Variants in R3HDM1 observed in about 807,000 individuals in gnomAD.
The protein encoded by R3HDM1 is R3H domain containing 1, also known as R3H domain-containing protein 1.
Under a neutral mutation model 141.1 loss-of-function variants are expected in R3HDM1, and 46 were observed. That is an observed-to-expected ratio of 0.33 (90% CI 0.26 to 0.42). The LOEUF (loss-of-function observed/expected upper bound fraction) is 0.42, where lower values mean the gene tolerates loss of function less well. R3HDM1 is among the 10% of genes least tolerant of loss of function. The pLI is 1.00. For missense variants in R3HDM1, 1,184 were observed against 1,368.3 expected, an observed-to-expected ratio of 0.87 and a Z score of 2.12; for synonymous variants, 435 against 472.9, an observed-to-expected ratio of 0.92 and a Z score of 1.04.
chr2:135,627,474 A>C (rs1051692256), intron 7 of R3HDM1, among the ~76,000 whole-genome samples: 1 of 152,160 alleles, frequency 6.6e-6, no homozygotes, highest in African/African-American at 2.4e-5. Context: ...AGACTACCCT[A>C]TTAAATACAG....
intron 7 of R3HDM1, among the ~76,000 whole-genome samples, chr2:135,625,719 A>G (rs1428212806): frequency 6.6e-6 from 1 of 152,046 alleles, no homozygotes; most frequent in East Asian, 1.9e-4. Flanking sequence ...GAGATTGGTG[A>G]AGGTCAGTCT....
At chr2:135,541,326 G>A (rs763723831) in intron 1 of R3HDM1, among the ~76,000 whole-genome samples, 1 of 152,006 alleles carries the variant, frequency 6.6e-6, no homozygotes, top group South Asian at 2.1e-4. Flanking sequence ...TCCTGCCTCA[G>A]CCTCCTGAGT....
chr2:135,622,685 C>G lies in R3HDM1; in HGVS notation c.450C>G (p.Gly150=), dbSNP rs1411704415. The change falls in exon 7 of 27, where the codon GGC becomes GGG. Residue 150 remains glycine, a synonymous_variant. Transcript: ENST00000683871. ...DSSQEYTDST[G]IDLHEFLVNT... is the part of the protein sequence containing the mutation. ...GTCAAGAATACACTGATTCAACTGG[C>G]ATAGATCTACATGAATTTTTAGTAA... 3 of 1,601,242 alleles carry G rather than the reference C, an allele frequency of 1.9e-6. No individual in the cohort carries two copies. The highest frequency in any genetic ancestry group is 2.6e-6 in the Non-Finnish European group (3 of 1,172,508).
chr2:135,704,690 C>T (rs999481611), intron 21 of R3HDM1, among the ~76,000 whole-genome samples: 1 of 151,800 alleles, frequency 6.6e-6, no homozygotes, highest in Non-Finnish European at 1.5e-5. Context: ...AACTCCTGAC[C>T]TCAAGTGAGC....
rs565078595 is a variant in R3HDM1 at position 135,574,695 on chromosome 2, A to G, written c.-249-27805A>G. 7.9e-5 allele frequency among the ~76,000 whole-genome samples: 12 copies of G among 152,308 alleles called. No individual in the cohort carries two copies. In the East Asian group the frequency reaches 1.5e-3, roughly 20 times the overall value. On this transcript the variant is annotated intron_variant, in intron 1 of 26. Coordinates refer to ENST00000683871, the MANE Select transcript of R3HDM1 (RefSeq NM_001378107.1). ...TAGGATACTCATTAACATACTCCCT[A>G]TTGATAGATTTGTGAGGAAAACTCA...
intron 16 of R3HDM1, among the ~76,000 whole-genome samples, chr2:135,648,135 ATATGTAC>A (rs1191910812): frequency 6.6e-6 from 1 of 152,176 alleles, no homozygotes; most frequent in African/African-American, 2.4e-5. Context: ...ATGTAGTATA[ATATGTAC>A]TATCATCTGT....
intron 21 of R3HDM1, among the ~76,000 whole-genome samples, chr2:135,707,675 A>G (rs950365626): frequency 6.6e-6 from 1 of 152,234 alleles, no homozygotes; most frequent in Admixed American, 6.5e-5. Context: ...AGCTGTTCAC[A>G]TGGGTTAGAA....
At chr2:135,692,492 T>A in intron 21 of R3HDM1, among the ~76,000 whole-genome samples, 1 of 152,054 alleles carries the variant, frequency 6.6e-6, no homozygotes, top group East Asian at 1.9e-4. Context: ...CTCAGGAGGC[T>A]GAAGCAGGAG....
chr2:135,576,016 T>C (rs1227613854), intron 1 of R3HDM1, among the ~76,000 whole-genome samples: 1 of 152,156 alleles, frequency 6.6e-6, no homozygotes, highest in Non-Finnish European at 1.5e-5. Context: ...TATAATTGAA[T>C]CTGTGTGCTA....
intron 24 of R3HDM1, among the ~76,000 whole-genome samples, chr2:135,718,912 C>T (rs988704026): frequency 1.1e-4 from 17 of 152,042 alleles, no homozygotes; most frequent in African/African-American, 3.4e-4. Context: ...CTTTGGGAGG[C>T]TGAGGTGGGT....
At chr2:135,693,469 G>A (rs1168923123) in intron 21 of R3HDM1, among the ~76,000 whole-genome samples, 3 of 152,336 alleles carry the variant, frequency 2.0e-5, no homozygotes, top group South Asian at 4.1e-4. Context: ...ATAGTCAGAT[G>A]TTGTAGGGGG....
At chr2:135,539,420 A>C (rs534883380) in intron 1 of R3HDM1, among the ~76,000 whole-genome samples, 1 of 152,304 alleles carries the variant, frequency 6.6e-6, no homozygotes, top group South Asian at 2.1e-4. Context: ...AGGTGCTAGG[A>C]ATTTTTCACC....
intron 15 of R3HDM1, among the ~76,000 whole-genome samples, chr2:135,642,807 T>C (rs932771907): frequency 6.6e-6 from 1 of 152,160 alleles, no homozygotes; most frequent in Non-Finnish European, 1.5e-5. Flanking sequence ...TATTCACATC[T>C]CTTTTTAAGA....
At chr2:135,683,966 A>G (rs1259362873) in intron 21 of R3HDM1, among the ~76,000 whole-genome samples, 2 of 151,512 alleles carry the variant, frequency 1.3e-5, no homozygotes, top group African/African-American at 2.4e-5. Context: ...ACATACATAC[A>G]TACATACATA....
intron 5 of R3HDM1, chr2:135,620,163 T>G (rs887992986): frequency 2.0e-5 from 7 of 344,076 alleles, no homozygotes; most frequent in African/African-American, 1.6e-4. Context: ...TGGAAGTGCC[T>G]TTTAGTGAAG....
rs191182187 is a variant in R3HDM1 at position 135,567,362 on chromosome 2, C to T, written c.-249-35138C>T. ...ATATATAGACAGTAACTTCATTTTT[C>T]CCAAAGATGAATGAGTACATTGTGT... is the stretch of plus-strand genomic sequence containing the variant. On this transcript the variant is annotated intron_variant, in intron 1 of 26. Transcript: ENST00000683871. Among the ~76,000 whole-genome samples, 285 of 152,230 alleles carry T rather than the reference C, an allele frequency of 1.9e-3. 2 individuals are homozygous for T. Among genetic ancestry groups the T allele is most frequent in the African/African-American group, 6.6e-3 (276 of 41,528 alleles).
intron 1 of R3HDM1, among the ~76,000 whole-genome samples, chr2:135,576,799 G>A (rs1013647453): frequency 6.6e-6 from 1 of 152,184 alleles, no homozygotes; most frequent in Admixed American, 6.5e-5. Context: ...TCAATGATAG[G>A]CAAGTCAATA....
At chr2:135,675,265 A>G in intron 19 of R3HDM1, 67 bp from the exon 20 acceptor site, 1 of 1,425,752 alleles carries the variant, frequency 7.0e-7, no homozygotes, top group Non-Finnish European at 9.5e-7. Context: ...ACTCGCTTAA[A>G]TTTTTTTTTA....
intron 11 of R3HDM1, 72 bp from the exon 12 acceptor site, chr2:135,638,546 T>C: frequency 7.0e-7 from 1 of 1,424,138 alleles, no homozygotes; most frequent in Non-Finnish European, 9.8e-7. Flanking sequence ...TTTGTTGTCA[T>C]CATTGGTTTA....
Sources: allele counts gnomAD v4.1 joint callset (sites outside exome capture counted in the v4.1 genomes callset), GRCh38; gene constraint gnomAD v4.1.1; transcripts MANE v1.5; gene names NCBI Gene and HGNC (gene_info 2026-07-23, HGNC 2026-07-21).